NEDD4L: variants seen among roughly 807,000 people sequenced by gnomAD.
NEDD4L encodes E3 ubiquitin-protein ligase NEDD4-like.
A neutral mutation model predicts 148.9 loss-of-function variants in NEDD4L; 54 were observed. The observed-to-expected ratio is 0.36, with a 90% CI of 0.29 to 0.45. NEDD4L has a LOEUF of 0.45. NEDD4L is among the 20% of genes least tolerant of loss of function. The pLI is 1.00. For synonymous variants in NEDD4L, 433 were observed against 440.7 expected (o/e 0.98, Z 0.22); for missense variants, 856 against 1,233.8 (o/e 0.69, Z 4.59).
intron 1 of NEDD4L, among the ~76,000 whole-genome samples, chr18:58,067,507 G>A (rs1406411429): frequency 6.6e-6 from 1 of 152,176 alleles, no homozygotes; most frequent in Non-Finnish European, 1.5e-5. Flanking sequence ...GGAGAGAGCT[G>A]CTCTGAGGAG....
intron 1 of NEDD4L, among the ~76,000 whole-genome samples, chr18:58,146,791 C>A (rs1169162393): frequency 6.6e-6 from 1 of 152,172 alleles, no homozygotes; most frequent in African/African-American, 2.4e-5. Flanking sequence ...GCTCCACACT[C>A]AGAAGGGCCC....
intron 1 of NEDD4L, among the ~76,000 whole-genome samples, chr18:58,063,949 CTTTTTTTTTTTTTTTTTT>C (rs58608106): frequency 4.6e-5 from 6 of 129,904 alleles, no homozygotes; most frequent in Admixed American, 7.7e-5. Context: ...TATAATGTTT[CTTTTTTTTTTTTTTTTTT>C]TTTTTTTTTT....
intron 7 of NEDD4L, 108 bp from the exon 8 acceptor site, chr18:58,323,124 G>A (rs1456076828): frequency 1.5e-6 from 1 of 660,106 alleles, no homozygotes; most frequent in African/African-American, 1.8e-5. Flanking sequence ...TGGGTGGGTG[G>A]GGATGCCTGC....
intron 22 of NEDD4L, among the ~76,000 whole-genome samples, chr18:58,370,112 C>T (rs1273136861): frequency 6.6e-6 from 1 of 152,148 alleles, no homozygotes; most frequent in Admixed American, 6.5e-5. Context: ...AATTCCTACG[C>T]CTGATTTGCA....
rs576343520 is a variant in NEDD4L at position 58,167,726 on chromosome 18, A to G, written c.122+1865A>G. Among the ~76,000 whole-genome samples, 16 of 152,258 alleles carry G rather than the reference A, an allele frequency of 1.1e-4. No homozygotes were observed. The East Asian group carries it at 3.1e-3, about 29-fold the overall frequency. On this transcript the variant is annotated intron_variant, in intron 2 of 30. Coordinates refer to ENST00000400345, the MANE Select transcript of NEDD4L (RefSeq NM_001144967.3). ...ATAGAGCATCAAGGGAAAAAAAAAC[A>G]AAAATTATCTTTTAAAAATGTAAAC...
At chr18:58,239,960 C>T (rs1040153772) in intron 2 of NEDD4L, among the ~76,000 whole-genome samples, 1 of 152,162 alleles carries the variant, frequency 6.6e-6, no homozygotes, top group Admixed American at 6.5e-5. Context: ...AAGCTTTTCT[C>T]TTGGAAATTT....
Position 58,256,621 on chromosome 18 carries a change from G to A in NEDD4L, c.297+4567G>A, listed in dbSNP as rs1019194819. The A allele has an allele frequency of 2.4e-5, 30 of 1,232,104 alleles. No homozygotes were observed. The highest frequency in any genetic ancestry group is 4.7e-5 in the African/African-American group (3 of 64,428). 76.3% of individuals were successfully genotyped at this position (1,232,104 alleles called of 1,614,324 possible). A position where few individuals can be genotyped will look rare whatever the true frequency, so the allele number is the denominator to read the frequency against. ...GGACGAACTCCGCGGAGAGGACTCC[G>A]CAGGGCCAGGGGTGCACATTTAAGA... On this transcript the variant is annotated intron_variant, in intron 5 of 30. Coordinates refer to ENST00000400345, the MANE Select transcript of NEDD4L (RefSeq NM_001144967.3). The surrounding 1 kb of genome is among the most constrained non-coding windows in gnomAD (Gnocchi z 5.2).
intron 2 of NEDD4L, among the ~76,000 whole-genome samples, chr18:58,183,993 C>T (rs948857489): frequency 6.6e-6 from 1 of 152,052 alleles, no homozygotes; most frequent in Non-Finnish European, 1.5e-5. Flanking sequence ...CATGGTGAAA[C>T]CCCGTCTCTA....
intron 5 of NEDD4L, among the ~76,000 whole-genome samples, chr18:58,283,797 T>C (rs549489097): frequency 2.0e-5 from 3 of 152,286 alleles, no homozygotes; most frequent in Admixed American, 6.5e-5. Context: ...TCTTTGAAAA[T>C]AGGGTCTTAT....
chr18:58,217,189 G>A (rs1333484634), intron 2 of NEDD4L, among the ~76,000 whole-genome samples: 1 of 152,192 alleles, frequency 6.6e-6, no homozygotes, highest in Admixed American at 6.5e-5. Context: ...AAGCTAACGC[G>A]AGTTAGGAGG....
chr18:58,193,185 C>G (rs1230664866), intron 2 of NEDD4L, among the ~76,000 whole-genome samples: 1 of 152,214 alleles, frequency 6.6e-6, no homozygotes, highest in Non-Finnish European at 1.5e-5. Flanking sequence ...GATTGGAAGA[C>G]AGAAGGTACT....
rs571006909 is a variant in NEDD4L, at chr18:58,382,536, A to G, written c.2353-710A>G. On this transcript the variant is annotated intron_variant, in intron 24 of 30. Coordinates refer to ENST00000400345, the MANE Select transcript of NEDD4L (RefSeq NM_001144967.3). ...TTCTACAATGAGAAAAAAACATTTT[A>G]TTTTAAAATAGTAGGCCTCTCTCCC... Among the ~76,000 whole-genome samples the G allele has an allele frequency of 3.3e-5, 5 of 152,272 alleles. No homozygotes were observed. In the East Asian group the frequency reaches 9.6e-4, roughly 29 times the overall value.
intron 1 of NEDD4L, among the ~76,000 whole-genome samples, chr18:58,051,874 G>A (rs912170934): frequency 6.6e-6 from 1 of 152,130 alleles, no homozygotes; most frequent in Admixed American, 6.6e-5. Context: ...AAGAAGGGTG[G>A]AAGAAGTGTG....
At chr18:58,237,784 T>C (rs763022775) in intron 2 of NEDD4L, among the ~76,000 whole-genome samples, 1 of 152,208 alleles carries the variant, frequency 6.6e-6, no homozygotes, top group Admixed American at 6.5e-5. Flanking sequence ...ATATATGTGT[T>C]AGAGATAGAT....
chr18:58,145,613 GA>G (rs1193290070), intron 1 of NEDD4L, among the ~76,000 whole-genome samples: 3 of 148,776 alleles, frequency 2.0e-5, no homozygotes, highest in African/African-American at 7.5e-5. Flanking sequence ...CAAACCTATG[GA>G]TGTTTAAGGA....
rs565903821 is a variant in NEDD4L, at chr18:58,255,774, A to C, written c.297+3720A>C. On this transcript the variant is annotated intron_variant, in intron 5 of 30. Transcript: ENST00000400345. ...ACCCTACCGCGGAGAAGCAGCCCGCACCCCTTCGCCCAGAACGGAGGGGAG... is the reference window on the plus strand; with the variant it reads ...ACCCTACCGCGGAGAAGCAGCCCGCCCCCCTTCGCCCAGAACGGAGGGGAG... The C allele has an allele frequency of 4.1e-6, 5 of 1,232,538 alleles. No individual in the cohort carries two copies. In the African/African-American group the frequency reaches 7.7e-5, roughly 19 times the overall value. The allele number at this position is 1,232,538 out of a possible 1,614,324, so 76.4% of individuals were successfully genotyped here.
chr18:58,071,013 G>C (rs908049872), intron 1 of NEDD4L, among the ~76,000 whole-genome samples: 4 of 151,948 alleles, frequency 2.6e-5, no homozygotes, highest in Non-Finnish European at 1.5e-5. Context: ...GAAACAGGAA[G>C]ATATGTCCCA....
intron 19 of NEDD4L, among the ~76,000 whole-genome samples, chr18:58,358,203 A>G (rs1303009030): frequency 6.6e-6 from 1 of 152,208 alleles, no homozygotes; most frequent in African/African-American, 2.4e-5. Flanking sequence ...CTTAAAAGAT[A>G]CTACATTGCA....
intron 2 of NEDD4L, among the ~76,000 whole-genome samples, chr18:58,238,204 T>C (rs2046245543): frequency 6.6e-6 from 1 of 152,248 alleles, no homozygotes; most frequent in South Asian, 2.1e-4. Context: ...CTATGCTTCA[T>C]ACCTTTCAGT....
Sources: gnomAD v4.1 joint callset for allele counts (sites outside exome capture counted in the v4.1 genomes callset) on GRCh38, gnomAD v4.1.1 for gene constraint, Gnocchi (gnomAD v3.1) non-coding constraint, MANE v1.5 for transcripts, NCBI Gene and HGNC (gene_info 2026-07-23, HGNC 2026-07-21) for gene names.